The following RBFOX1 variants were observed in gnomAD, a reference collection of about 807,000 sequenced individuals.
The protein encoded by RBFOX1 is RNA binding fox-1 homolog 1.
Under a neutral mutation model 57.7 loss-of-function variants are expected in RBFOX1, and 8 were observed. The observed-to-expected ratio is 0.14, with a 90% CI of 0.08 to 0.25. RBFOX1 has a LOEUF of 0.25. Ranked by LOEUF, RBFOX1 falls within the 10% of genes least tolerant of loss-of-function variation. The pLI, the probability that RBFOX1 is intolerant of heterozygous loss-of-function variation, is 1.00. For synonymous variants in RBFOX1, 326 were observed against 222.4 expected, an observed-to-expected ratio of 1.47 and a Z score of -4.15; for missense variants, 611 against 548.5, an observed-to-expected ratio of 1.11 and a Z score of -1.14.
chr16:7,615,735 T>C (rs1228057285), intron 10 of RBFOX1, among the ~76,000 whole-genome samples: 1 of 152,054 alleles, frequency 6.6e-6, no homozygotes, highest in African/African-American at 2.4e-5. Context: ...GGGGCGGGGA[T>C]TGGGGAGTGT....
chr16:5,665,133 G>GT lies in RBFOX1; in HGVS notation c.318+66172_318+66173insT, dbSNP rs1223490267. ...GCTAACTTTTTGATATTTTTACATG[G>GT]GGGGGGGCGGTCTTGCTATATTGCC... On this transcript the variant is annotated intron_variant, in intron 3 of 19. Transcript: ENST00000641259. 1.2e-3 allele frequency among the ~76,000 whole-genome samples: 168 copies of GT among 141,032 alleles called. 9 individuals carry two copies. Among genetic ancestry groups the GT allele is most frequent in the African/African-American group, 4.1e-3 (162 of 39,536 alleles). The allele number at this position is 141,032 out of a possible 152,430, so 92.5% of individuals were successfully genotyped here.
rs145164294 is a variant in RBFOX1, at chr16:6,832,997, C to G, written c.-16+178347C>G. On this transcript the variant is annotated intron_variant, in intron 3 of 15. Coordinates refer to ENST00000550418, the MANE Select transcript of RBFOX1 (RefSeq NM_018723.4). The stretch of plus-strand genomic sequence containing the variant: ...TGTAACTCCTGCTCCTCATTTACCA[C>G]TAATGTTCTAACTCAGCACTAGTCC... Among the ~76,000 whole-genome samples the G allele has an allele frequency of 3.8e-3, 574 of 152,240 alleles. 5 individuals are homozygous for G. The highest frequency in any genetic ancestry group is 0.013 in the African/African-American group (537 of 41,534).
intron 1 of RBFOX1, among the ~76,000 whole-genome samples, chr16:5,394,225 TGTTGGCCAGGCTGATC>T: frequency 6.6e-6 from 1 of 152,160 alleles, no homozygotes; most frequent in Non-Finnish European, 1.5e-5. Flanking sequence ...GGCTTCACCA[TGTTGGCCAGGCTGATC>T]TCAAACTCCT....
chr16:7,132,723 C>G (rs565255399), intron 4 of RBFOX1, among the ~76,000 whole-genome samples: 24 of 152,062 alleles, frequency 1.6e-4, no homozygotes, highest in African/African-American at 5.8e-4. Flanking sequence ...GCGAAATCAA[C>G]CAGTCACAAG....
At chr16:7,553,011 C>G (rs1279995281) in intron 5 of RBFOX1, among the ~76,000 whole-genome samples, 3 of 152,052 alleles carry the variant, frequency 2.0e-5, no homozygotes, top group Non-Finnish European at 2.9e-5. Flanking sequence ...CATACCTTCT[C>G]TTTCCTCTCA....
intron 1 of RBFOX1, among the ~76,000 whole-genome samples, chr16:5,330,791 C>T (rs1666748839): frequency 6.6e-6 from 1 of 151,294 alleles, no homozygotes; most frequent in African/African-American, 2.4e-5. Context: ...AGCACTGTTT[C>T]AGGAATGATG....
chr16:7,204,660 GA>G (rs1474719633), intron 4 of RBFOX1, among the ~76,000 whole-genome samples: 1 of 152,040 alleles, frequency 6.6e-6, no homozygotes, highest in Non-Finnish European at 1.5e-5. Context: ...AAATAAAAAT[GA>G]AAAAGTTCCT....
intron 1 of RBFOX1, among the ~76,000 whole-genome samples, chr16:5,319,150 C>CA (rs557512374): frequency 2.0e-5 from 3 of 149,750 alleles, no homozygotes; most frequent in Admixed American, 6.6e-5. Context: ...AACAAACAAA[C>CA]AAAAAAACAT....
intron 4 of RBFOX1, among the ~76,000 whole-genome samples, chr16:7,111,935 A>G (rs1364541056): frequency 2.0e-5 from 3 of 152,122 alleles, no homozygotes; most frequent in African/African-American, 7.2e-5. Flanking sequence ...TTCACAATTG[A>G]TAAGCTGACT....
At chr16:6,159,474 T>G (rs897880499) in intron 1 of RBFOX1, among the ~76,000 whole-genome samples, 6 of 152,130 alleles carry the variant, frequency 3.9e-5, no homozygotes, top group Non-Finnish European at 7.4e-5. Flanking sequence ...TTTGAGGACA[T>G]TTGTGTTCAC....
chr16:6,209,721 C>T (rs1381682912), intron 1 of RBFOX1, among the ~76,000 whole-genome samples: 1 of 152,214 alleles, frequency 6.6e-6, no homozygotes, highest in East Asian at 1.9e-4. Flanking sequence ...AAGCCATTGT[C>T]ACTGGATGAT....
At chr16:7,076,365 G>T (rs1015483710) in intron 4 of RBFOX1, among the ~76,000 whole-genome samples, 2 of 151,912 alleles carry the variant, frequency 1.3e-5, no homozygotes, top group Non-Finnish European at 2.9e-5. Context: ...AAGTAGAAAT[G>T]AAATCATTTA....
intron 3 of RBFOX1, among the ~76,000 whole-genome samples, chr16:6,937,699 G>T (rs966469081): frequency 4.6e-5 from 7 of 152,162 alleles, no homozygotes; most frequent in Non-Finnish European, 8.8e-5. Flanking sequence ...TTGGTTAAAA[G>T]AGTTATTATC....
intron 4 of RBFOX1, among the ~76,000 whole-genome samples, chr16:7,063,905 C>T (rs75069152): frequency 6.6e-6 from 1 of 152,234 alleles, no homozygotes; most frequent in African/African-American, 2.4e-5. Context: ...ATATCAGAGA[C>T]CTCATTTTAT....
intron 2 of RBFOX1, among the ~76,000 whole-genome samples, chr16:6,336,744 G>A (rs554535013): frequency 6.6e-6 from 1 of 152,122 alleles, no homozygotes; most frequent in Admixed American, 6.5e-5. Flanking sequence ...TGCACAGCAG[G>A]ACAGGCTATG....
At chr16:6,931,129 A>C (rs1223451062) in intron 3 of RBFOX1, among the ~76,000 whole-genome samples, 1 of 152,150 alleles carries the variant, frequency 6.6e-6, no homozygotes, top group African/African-American at 2.4e-5. Context: ...TAAAGGTTGT[A>C]GTTTTAAGAA....
chr16:5,305,998 C>T (rs1369371734), intron 1 of RBFOX1, among the ~76,000 whole-genome samples: 1 of 152,148 alleles, frequency 6.6e-6, no homozygotes, highest in Non-Finnish European at 1.5e-5. Flanking sequence ...TTGAGACCAA[C>T]ATGGGCAATG....
At chr16:5,811,926 C>T (rs1050519547) in intron 3 of RBFOX1, among the ~76,000 whole-genome samples, 1 of 152,196 alleles carries the variant, frequency 6.6e-6, no homozygotes, top group Non-Finnish European at 1.5e-5. Flanking sequence ...AGTTAATCTA[C>T]TCTCCCTCAA....
intron 14 of RBFOX1, among the ~76,000 whole-genome samples, chr16:7,700,294 A>G (rs946055983): frequency 1.3e-5 from 2 of 151,958 alleles, no homozygotes; most frequent in Non-Finnish European, 2.9e-5. Context: ...AGTAATCATA[A>G]CCCTCCTCTC....
Sources: gnomAD v4.1 joint callset for allele counts (sites outside exome capture counted in the v4.1 genomes callset) on GRCh38, gnomAD v4.1.1 for gene constraint, MANE v1.5 for transcripts, NCBI Gene and HGNC (gene_info 2026-07-23, HGNC 2026-07-21) for gene names.